CMTR1: variants seen among roughly 807,000 people sequenced by gnomAD.
The protein encoded by CMTR1 is cap methyltransferase 1.
CMTR1 carries 39 observed loss-of-function variants against 107.0 expected under a neutral mutation model. The observed-to-expected ratio is 0.36, with a 90% CI of 0.28 to 0.48. The LOEUF (loss-of-function observed/expected upper bound fraction) is 0.48, where lower values mean the gene tolerates loss of function less well. Ranked by LOEUF, CMTR1 falls within the 20% of genes least tolerant of loss-of-function variation. The probability of loss-of-function intolerance (pLI) is 0.99; values close to 1 mark genes in which losing one functional copy is unlikely to be tolerated. For synonymous variants in CMTR1, 366 were observed against 379.5 expected (o/e 0.96, Z 0.41); for missense variants, 672 against 1,064.9 (o/e 0.63, Z 5.14).
rs1250890813 is a variant in CMTR1 at position 37,479,261 on chromosome 6, T to C, written c.2375+6T>C. ...GACTCCATTGCCCCATTTCAGTAAG[T>C]AGCTCTCCTCCAAGCCTGCCCTCCT... is the stretch of plus-strand genomic sequence containing the variant. On this transcript the variant is annotated splice_donor_region_variant and intron_variant, in intron 23 of 23. Transcript: ENST00000373451. 1.9e-6 allele frequency: 3 copies of C among 1,587,178 alleles called. No homozygotes were observed. Among genetic ancestry groups the C allele is most frequent in the Admixed American group, 1.7e-5 (1 of 59,994 alleles).
At chr6:37,457,827 T>G (rs1761327288) in intron 8 of CMTR1, among the ~76,000 whole-genome samples, 1 of 152,062 alleles carries the variant, frequency 6.6e-6, no homozygotes, top group Non-Finnish European at 1.5e-5. Context: ...CCCCCAGCCT[T>G]TGGTTGGACA....
At chr6:37,425,097 C>T in the CMTR1 span, among the ~76,000 whole-genome samples, 2 of 147,146 alleles carry the variant, frequency 1.4e-5, no homozygotes, top group Non-Finnish European at 3.0e-5. Flanking sequence ...TACAGGCACC[C>T]ACCACCCAGC....
rs768681779 is a variant in CMTR1 at position 37,478,369 on chromosome 6, C to T, written c.2154-40C>T. ...CAGAGACTAATTTTATCAGCCAGGG[C>T]CTTTTCTCTCTCATGCACGTACCTT... is the stretch of plus-strand genomic sequence containing the variant. On this transcript the variant is annotated intron_variant, in intron 21 of 23. Coordinates refer to ENST00000373451, the MANE Select transcript of CMTR1 (RefSeq NM_015050.3). 6 of 1,465,248 alleles carry T rather than the reference C, an allele frequency of 4.1e-6. No homozygotes were observed. In the African/African-American group the frequency reaches 5.6e-5, roughly 14 times the overall value. The allele number at this position is 1,465,248 out of a possible 1,614,324, so 90.8% of individuals were successfully genotyped here.
chr6:37,459,643 A>G lies in CMTR1; in HGVS notation c.1054A>G (p.Asn352Asp), dbSNP rs764308181. Residue 352 changes from asparagine (N) to aspartate (D), a missense_variant, in exon 10 of 24, where the codon AAC (asparagine) becomes GAC (aspartate). Physicochemically the swap from Asn to Asp is conservative, Grantham distance 23. Transcript: ENST00000373451. ...ISAFRNFVLD[N>D]TDRKGVHFLM... is the part of the protein sequence containing the mutation. ...TGCTTTTCGGAATTTTGTCCTGGATAACACAGATCGCAAGGGTGTCCATTT... is the reference window on the plus strand; with the variant it reads ...TGCTTTTCGGAATTTTGTCCTGGATGACACAGATCGCAAGGGTGTCCATTT... The G allele has an allele frequency of 1.9e-6, 3 of 1,614,190 alleles. No individual in the cohort carries two copies. Among genetic ancestry groups the G allele is most frequent in the East Asian group, 4.5e-5 (2 of 44,888 alleles).
chr6:37,455,667 A>C (rs1233867417), intron 8 of CMTR1, among the ~76,000 whole-genome samples: 1 of 152,162 alleles, frequency 6.6e-6, no homozygotes, highest in African/African-American at 2.4e-5. Context: ...GAAATTAGAC[A>C]TCATTTGTCT....
At chr6:37,477,940 T>G (rs1392691578) in intron 21 of CMTR1, among the ~76,000 whole-genome samples, 2 of 152,218 alleles carry the variant, frequency 1.3e-5, no homozygotes, top group African/African-American at 4.8e-5. Flanking sequence ...GCAAGCTGCT[T>G]GAAATACCAT....
intron 8 of CMTR1, among the ~76,000 whole-genome samples, chr6:37,453,702 C>G (rs1421925437): frequency 1.3e-5 from 2 of 152,088 alleles, no homozygotes; most frequent in Non-Finnish European, 2.9e-5. Flanking sequence ...TTTCATTGAT[C>G]TATTTAAAAT....
At chr6:37,432,745 A>T (rs1771410362), upstream of CMTR1, among the ~76,000 whole-genome samples, 1 of 152,124 alleles carries the variant, frequency 6.6e-6, no homozygotes, top group Admixed American at 6.5e-5. Context: ...ATCAGAAGAG[A>T]GGTTTGAGAT....
intron 13 of CMTR1, among the ~76,000 whole-genome samples, chr6:37,464,455 A>G (rs1474163810): frequency 6.6e-6 from 1 of 151,442 alleles, no homozygotes; most frequent in African/African-American, 2.4e-5. Flanking sequence ...CGACAGAGGA[A>G]GACTCCATCT....
chr6:37,470,973 C>G (rs376998192), intron 13 of CMTR1, 48 bp from the exon 14 acceptor site: 1 of 1,506,186 alleles, frequency 6.6e-7, no homozygotes, highest in South Asian at 1.2e-5. Flanking sequence ...TGTCAGTTAC[C>G]TGTCTTTTTT....
At chr6:37,464,024 AATAACACAGAG>A (rs1761454354) in intron 13 of CMTR1, among the ~76,000 whole-genome samples, 1 of 152,242 alleles carries the variant, frequency 6.6e-6, no homozygotes, top group Non-Finnish European at 1.5e-5. Flanking sequence ...CAGGGGTTCC[AATAACACAGAG>A]TGTTTAAGCA....
At chr6:37,478,566 T>G in intron 22 of CMTR1, 45 bp downstream of exon 22, 1 of 1,501,968 alleles carries the variant, frequency 6.7e-7, no homozygotes, top group Non-Finnish European at 9.3e-7. Context: ...CCCTCTCCCC[T>G]CTCCTCGCCA....
rs115823007 is a variant in CMTR1 at position 37,474,230 on chromosome 6, C to A, written c.1822-294C>A. On this transcript the variant is annotated intron_variant, in intron 17 of 23. Coordinates refer to ENST00000373451, the MANE Select transcript of CMTR1 (RefSeq NM_015050.3). Reference sequence around the variant, plus strand: ...TCACTAAACCCACCTTAGACATATACGAAACTGGATCTTTTTTGAGGGCCA... The same window carrying A: ...TCACTAAACCCACCTTAGACATATAAGAAACTGGATCTTTTTTGAGGGCCA... 3.4e-3 allele frequency among the ~76,000 whole-genome samples: 517 copies of A among 152,328 alleles called. 3 individuals are homozygous for A. Among genetic ancestry groups the A allele is most frequent in the African/African-American group, 0.012 (496 of 41,558 alleles).
At position 37,462,827 on chromosome 6, in the gene CMTR1, A is replaced by G; in HGVS notation, c.1326-2A>G. 2.5e-6 allele frequency: 4 copies of G among 1,611,922 alleles called. No homozygotes were observed. The highest frequency in any genetic ancestry group is 3.4e-6 in the Non-Finnish European group (4 of 1,179,508). The stretch of plus-strand genomic sequence containing the variant: ...GTGGAGTGACAGAGTATCTTCTGCC[A>G]GGTATGTGGTGTGCAAGGGCCTGAA... On this transcript the variant is annotated splice_acceptor_variant, in intron 12 of 23. Transcript: ENST00000373451. LOFTEE classifies it high-confidence loss of function.
chr6:37,446,509 T>A (rs528991226), intron 4 of CMTR1, 60 bp downstream of exon 4: 58 of 1,542,838 alleles, frequency 3.8e-5, no homozygotes, highest in Middle Eastern at 1.7e-4. Context: ...TGCATGGCTT[T>A]AAGAAGCCAT....
chr6:37,466,352 TCTC>T (rs1761512191), intron 13 of CMTR1, among the ~76,000 whole-genome samples: 1 of 151,604 alleles, frequency 6.6e-6, no homozygotes, highest in African/African-American at 2.4e-5. Context: ...GCCAGGATGG[TCTC>T]AATCTCTTGA....
At chr6:37,474,973 C>T (rs1293994504) in intron 18 of CMTR1, among the ~76,000 whole-genome samples, 3 of 152,098 alleles carry the variant, frequency 2.0e-5, no homozygotes, top group Non-Finnish European at 2.9e-5. Context: ...ACTTGTTTCT[C>T]AGGAGCCATG....
rs1761641578 is a variant in CMTR1 at position 37,472,154 on chromosome 6, G to C, written c.1620+250G>C. 6.6e-6 allele frequency among the ~76,000 whole-genome samples: 1 copy of C among 152,172 alleles called. No homozygotes were observed. Among genetic ancestry groups the C allele is most frequent in the Admixed American group, 6.5e-5 (1 of 15,276 alleles). On this transcript the variant is annotated intron_variant, in intron 15 of 23. Coordinates refer to ENST00000373451, the MANE Select transcript of CMTR1 (RefSeq NM_015050.3). The surrounding 1 kb of genome is among the most constrained non-coding windows in gnomAD (Gnocchi z 4.1). ...GGTGTGGGGAGGTGGGCCGGTGTCA[G>C]TTTTGCAACTGGTGGCCCCTTGTAG... is the stretch of plus-strand genomic sequence containing the variant.
intron 10 of CMTR1, 146 bp downstream of exon 10, chr6:37,459,830 T>G (rs1214289443): frequency 2.0e-5 from 14 of 688,954 alleles, no homozygotes; most frequent in Non-Finnish European, 1.5e-5. Context: ...TTTATTCTTT[T>G]TATACATTTT....
Sources: gnomAD v4.1 joint callset for allele counts (sites outside exome capture counted in the v4.1 genomes callset) on GRCh38, gnomAD v4.1.1 for gene constraint, Gnocchi (gnomAD v3.1) non-coding constraint, MANE v1.5 for transcripts, NCBI Gene and HGNC (gene_info 2026-07-23, HGNC 2026-07-21) for gene names.